PDXDC1: variants seen among roughly 807,000 people sequenced by gnomAD.
PDXDC1 encodes the protein pyridoxal dependent decarboxylase domain containing 1.
PDXDC1 carries 42 observed loss-of-function variants against 100.1 expected under a neutral mutation model. The ratio of observed to expected loss-of-function variants is 0.42; its 90% CI spans 0.33 to 0.54. The LOEUF (loss-of-function observed/expected upper bound fraction) is 0.54. PDXDC1 is among the 20% of genes least tolerant of loss of function. PDXDC1 has a pLI of 0.10. For synonymous variants in PDXDC1, 260 were observed against 371.7 expected (o/e 0.70, Z 3.46); for missense variants, 636 against 979.2 (o/e 0.65, Z 4.68).
intron 16 of PDXDC1, chr16:15,062,049 C>G (rs749818937): frequency 1.3e-6 from 1 of 779,996 alleles, no homozygotes. Flanking sequence ...TGTAGTGGCA[C>G]ACGCCTGTAG....
At chr16:14,986,455 T>C (rs563921310) in intron 1 of PDXDC1, among the ~76,000 whole-genome samples, 1 of 152,400 alleles carries the variant, frequency 6.6e-6, no homozygotes, top group South Asian at 2.1e-4. Context: ...GGAGACAGAA[T>C]GAGACTGCAT....
At chr16:15,060,969 G>A (rs561471786) in intron 16 of PDXDC1, 1 of 152,366 alleles carries the variant, frequency 6.6e-6, no homozygotes, top group Admixed American at 6.5e-5. Context: ...TTTTACACAA[G>A]CCCGAACTCA....
rs973199545 is a variant in PDXDC1 at position 15,098,885 on chromosome 16, G to C, written c.1400-39994G>C. 2.6e-5 allele frequency among the ~76,000 whole-genome samples: 4 copies of C among 152,024 alleles called. No homozygotes were observed. In the South Asian group the frequency reaches 8.3e-4, roughly 32 times the overall value. ...CAAAACTCCCTCTCAAAAAAAAAGA[G>C]CAACTTTCTTGTCCACAGCAAAGAA... On this transcript the variant is annotated intron_variant, in intron 16 of 16. Transcript: ENST00000535621.
At chr16:15,133,031 G>C (rs1327503551) in intron 16 of PDXDC1, 2 of 1,077,752 alleles carry the variant, frequency 1.9e-6, no homozygotes, top group Non-Finnish European at 2.7e-6. Flanking sequence ...GGGCAAAACA[G>C]GGTAAGCACA....
intron 16 of PDXDC1, among the ~76,000 whole-genome samples, chr16:15,073,548 T>TA (rs2045329748): frequency 6.6e-6 from 1 of 152,198 alleles, no homozygotes; most frequent in African/African-American, 2.4e-5. Flanking sequence ...CTGAATATAA[T>TA]AATCTAACAC....
chr16:15,066,369 A>T (rs1330619954), intron 16 of PDXDC1, among the ~76,000 whole-genome samples: 1 of 152,200 alleles, frequency 6.6e-6, no homozygotes, highest in African/African-American at 2.4e-5. Context: ...ACGGTGGCTC[A>T]CACCTGTAAT....
In PDXDC1 at chr16:15,031,999, G is replaced by T; in HGVS notation, c.1571+93G>T. On this transcript the variant is annotated intron_variant, in intron 17 of 22. Coordinates refer to ENST00000396410, the MANE Select transcript of PDXDC1 (RefSeq NM_015027.4). ...CTGAACCACCTTAGAAATCCAAGATGAACGTGTAGTCACAATATGCTTAAC... is the reference window on the plus strand; with the variant it reads ...CTGAACCACCTTAGAAATCCAAGATTAACGTGTAGTCACAATATGCTTAAC... The T allele has an allele frequency of 2.7e-6, 3 of 1,109,506 alleles. No homozygotes were observed. In the South Asian group the frequency reaches 4.3e-5, roughly 16 times the overall value. 68.7% of individuals were successfully genotyped at this position (1,109,506 alleles called of 1,614,324 possible). A position where few individuals can be genotyped will look rare whatever the true frequency, so the allele number is the denominator to read the frequency against.
At chr16:15,101,540 G>A (rs915396491) in intron 16 of PDXDC1, among the ~76,000 whole-genome samples, 10 of 151,248 alleles carry the variant, frequency 6.6e-5, no homozygotes, top group Non-Finnish European at 1.0e-4. Context: ...GTTTCACCAT[G>A]GTCTCTACTA....
Position 14,989,950 on chromosome 16 carries a change from G to A in PDXDC1, c.22-7803G>A, listed in dbSNP as rs1225140500. ...CGCTCCCGCAGGCCGCGCCAGGCGCGGGTGGCCGCCTCCAGGCAGGCAGAC... is the reference window on the plus strand; with the variant it reads ...CGCTCCCGCAGGCCGCGCCAGGCGCAGGTGGCCGCCTCCAGGCAGGCAGAC... On this transcript the variant is annotated intron_variant, in intron 1 of 22. Coordinates refer to ENST00000396410, the MANE Select transcript of PDXDC1 (RefSeq NM_015027.4). The A allele has an allele frequency of 7.5e-6, 11 of 1,462,668 alleles. No homozygotes were observed. In the South Asian group the frequency reaches 9.2e-5, roughly 12 times the overall value. The allele number at this position is 1,462,668 out of a possible 1,614,324, so 90.6% of individuals were successfully genotyped here.
At chr16:15,004,852 C>T (rs538983146) in intron 5 of PDXDC1, among the ~76,000 whole-genome samples, 92 of 152,316 alleles carry the variant, frequency 6.0e-4, no homozygotes, top group African/African-American at 1.9e-3. Context: ...ATACCTAATA[C>T]GATGTAAATG....
At chr16:15,117,598 C>G (rs2047281517) in intron 16 of PDXDC1, among the ~76,000 whole-genome samples, 2 of 147,780 alleles carry the variant, frequency 1.4e-5, no homozygotes, top group Admixed American at 6.9e-5. Flanking sequence ...GAGGCTGAGG[C>G]AGGGGAATCA....
At chr16:15,065,538 C>T (rs1271181586) in intron 16 of PDXDC1, among the ~76,000 whole-genome samples, 2 of 151,970 alleles carry the variant, frequency 1.3e-5, no homozygotes, top group African/African-American at 2.4e-5. Context: ...TTTAGGGTAC[C>T]GTTCTATGGG....
rs898599155 is a variant in PDXDC1, at chr16:15,080,747, G to T, written c.1399+50691G>T. Among the ~76,000 whole-genome samples, 32 of 152,146 alleles carry T rather than the reference G, an allele frequency of 2.1e-4. No individual in the cohort carries two copies. The Middle Eastern group carries it at 0.01, about 49-fold the overall frequency. ...AGCAATTTTGTAACATTTTAATCAC[G>T]CTAAAAAGAAATCCTACATCCATTA... On this transcript the variant is annotated intron_variant, in intron 16 of 16. Transcript: ENST00000535621.
chr16:15,034,647 C>A, intron 21 of PDXDC1, 94 bp downstream of exon 21: 1 of 909,176 alleles, frequency 1.1e-6, no homozygotes, highest in South Asian at 1.4e-5. Context: ...AGAATCCCGC[C>A]CTGGTTCCCG....
chr16:15,097,009 G>A (rs928344115), intron 16 of PDXDC1, among the ~76,000 whole-genome samples: 1 of 152,130 alleles, frequency 6.6e-6, no homozygotes, highest in African/African-American at 2.4e-5. Context: ...CACCTGTAAT[G>A]CCAGAGCTTT....
chr16:15,100,403 C>G (rs1423572981), intron 16 of PDXDC1, among the ~76,000 whole-genome samples: 1 of 152,142 alleles, frequency 6.6e-6, no homozygotes, highest in Non-Finnish European at 1.5e-5. Flanking sequence ...ACATTATCCT[C>G]AAAGACAACT....
chr16:15,142,110 G>T (rs938453027), downstream of PDXDC1, among the ~76,000 whole-genome samples: 2 of 152,170 alleles, frequency 1.3e-5, no homozygotes, highest in Non-Finnish European at 2.9e-5. Context: ...CGGGAGAAAG[G>T]AAAGAAGGAA....
At chr16:15,072,996 G>A (rs747390902) in intron 16 of PDXDC1, 1 of 1,613,734 alleles carries the variant, frequency 6.2e-7, no homozygotes. Context: ...TACATGGCAG[G>A]AGGCATGGGT....
intron 13 of PDXDC1, among the ~76,000 whole-genome samples, 196 bp downstream of exon 13, chr16:15,022,950 G>A (rs1191062444): frequency 7.2e-5 from 11 of 152,294 alleles, no homozygotes; most frequent in African/African-American, 2.7e-4. Context: ...CAGTGAGTCT[G>A]AAGCGAAGAA....
Sources: allele counts gnomAD v4.1 joint callset (sites outside exome capture counted in the v4.1 genomes callset), GRCh38; gene constraint gnomAD v4.1.1; transcripts MANE v1.5; gene names NCBI Gene and HGNC (gene_info 2026-07-23, HGNC 2026-07-21).